ERICH3: variants seen among roughly 807,000 people sequenced by gnomAD.
The protein encoded by ERICH3 is glutamate-rich protein 3.
Under a neutral mutation model 131.1 loss-of-function variants are expected in ERICH3, and 126 were observed. The ratio of observed to expected loss-of-function variants is 0.96; its 90% CI spans 0.83 to 1.11. The LOEUF (loss-of-function observed/expected upper bound fraction) is 1.11, where lower values mean the gene tolerates loss of function less well. ERICH3 is among the 50% of genes most tolerant of loss of function. ERICH3 has a pLI of 0.00. For missense variants in ERICH3, 2,050 were observed against 1,810.7 expected (o/e 1.13, Z -2.40); for synonymous variants, 695 against 644.6 (o/e 1.08, Z -1.18).
At chr1:74,610,271 C>G (rs566503625) in intron 9 of ERICH3, among the ~76,000 whole-genome samples, 1 of 151,544 alleles carries the variant, frequency 6.6e-6, no homozygotes, top group Non-Finnish European at 1.5e-5. Flanking sequence ...ACACCCAATG[C>G]CTCTTCTCTC....
chr1:74,592,443 T>C (rs1408035739), intron 11 of ERICH3, among the ~76,000 whole-genome samples: 4 of 152,142 alleles, frequency 2.6e-5, no homozygotes, highest in Non-Finnish European at 5.9e-5. Context: ...TTATTAGCAG[T>C]TTAATCAATG....
chr1:74,669,205 C>G (rs557636222), intron 1 of ERICH3, among the ~76,000 whole-genome samples: 1 of 152,184 alleles, frequency 6.6e-6, no homozygotes, highest in East Asian at 1.9e-4. Context: ...TCTGTCATTA[C>G]AGAAACACTT....
Position 74,571,344 on chromosome 1 carries a change from C to G in ERICH3, c.4366G>C (p.Glu1456Gln), listed in dbSNP as rs771302129. Residue 1456 changes from glutamate to glutamine, a missense_variant, in exon 14 of 15, where the codon GAG becomes CAG. Physicochemically the swap from Glu to Gln is conservative, Grantham distance 29 (BLOSUM62 2). Transcript: ENST00000326665. ...QEQEEGSEGQEAATGSGDGRQ... is the reference protein window; with the variant it reads ...QEQEEGSEGQQAATGSGDGRQ... ...CCATCGCCACTCCCAGTGGCTGCCT[C>G]CTGGCCCTCTGACCCTTCCTCTTGC... The G allele has an allele frequency of 1.9e-6, 3 of 1,614,032 alleles. No homozygotes were observed. Among genetic ancestry groups the G allele is most frequent in the Admixed American group, 3.3e-5 (2 of 60,018 alleles).
intron 12 of ERICH3, among the ~76,000 whole-genome samples, chr1:74,586,175 G>A (rs1031757465): frequency 1.8e-4 from 28 of 151,906 alleles, no homozygotes; most frequent in African/African-American, 6.8e-4. Context: ...ACAATACTGT[G>A]GCAATATAAG....
chr1:74,643,203 C>A, intron 3 of ERICH3, 105 bp from the exon 4 acceptor site: 1 of 737,932 alleles, frequency 1.4e-6, no homozygotes, highest in Non-Finnish European at 2.2e-6. Flanking sequence ...AATTAGTCCT[C>A]TTGTCATTGA....
At chr1:74,577,127 T>C in intron 12 of ERICH3, 191 bp from the exon 13 acceptor site, 1 of 520,486 alleles carries the variant, frequency 1.9e-6, no homozygotes, top group Non-Finnish European at 3.4e-6. Context: ...TGTTCTTTTA[T>C]TTAATCCTAG....
chr1:74,606,448 T>C (rs760864694), intron 10 of ERICH3, among the ~76,000 whole-genome samples, 153 bp downstream of exon 10: 2 of 151,792 alleles, frequency 1.3e-5, no homozygotes, highest in Non-Finnish European at 2.9e-5. Flanking sequence ...CAGGACTCCA[T>C]ACAAAACAGC....
chr1:74,660,900 C>T (rs1458813510), intron 1 of ERICH3, among the ~76,000 whole-genome samples: 1 of 151,726 alleles, frequency 6.6e-6, no homozygotes, highest in Non-Finnish European at 1.5e-5. Context: ...AAAACTCTCA[C>T]ATATTCTTTT....
intron 12 of ERICH3, among the ~76,000 whole-genome samples, chr1:74,587,344 A>T (rs1246936345): frequency 2.0e-5 from 3 of 151,376 alleles, no homozygotes; most frequent in Non-Finnish European, 2.9e-5. Context: ...AAAAAAAAAA[A>T]AAAATTAAAA....
chr1:74,656,621 T>G (rs1447895479), intron 1 of ERICH3, among the ~76,000 whole-genome samples: 1 of 152,216 alleles, frequency 6.6e-6, no homozygotes, highest in Non-Finnish European at 1.5e-5. Context: ...GAAGTGAACA[T>G]CTCAGTTTAC....
intron 5 of ERICH3, 29 bp from the exon 6 acceptor site, chr1:74,636,467 T>C (rs1646390575): frequency 6.3e-7 from 1 of 1,579,324 alleles, no homozygotes; most frequent in African/African-American, 1.4e-5. Flanking sequence ...AAATTCCATT[T>C]AAATTAGTAT....
rs1223484637 is a variant in ERICH3, at chr1:74,646,971, A to G, written c.118-179T>C. Among the ~76,000 whole-genome samples, 84 of 149,576 alleles carry G rather than the reference A, an allele frequency of 5.6e-4. 1 individual carries two copies. Among genetic ancestry groups the G allele is most frequent in the Middle Eastern group, 3.4e-3 (1 of 292 alleles). On this transcript the variant is annotated intron_variant, in intron 2 of 14. Transcript: ENST00000326665. Reference sequence around the variant, plus strand: ...GGGAGGCAGGGAGGGAGAGAGAGAAAAAAAAAAAAAACGAGAGGGGAGAAA... The same window carrying G: ...GGGAGGCAGGGAGGGAGAGAGAGAAGAAAAAAAAAAACGAGAGGGGAGAAA...
At chr1:74,656,847 C>A (rs1646589550) in intron 1 of ERICH3, among the ~76,000 whole-genome samples, 2 of 152,128 alleles carry the variant, frequency 1.3e-5, no homozygotes, top group African/African-American at 2.4e-5. Flanking sequence ...TCCTAGGGTC[C>A]TTGTCTCACC....
chr1:74,660,574 C>T (rs1427530336), intron 1 of ERICH3, among the ~76,000 whole-genome samples: 1 of 146,308 alleles, frequency 6.8e-6, no homozygotes, highest in Non-Finnish European at 1.5e-5. Context: ...TACATGTGTG[C>T]ACACATTCAG....
chr1:74,584,054 C>T (rs1647229519), intron 12 of ERICH3, among the ~76,000 whole-genome samples: 1 of 152,150 alleles, frequency 6.6e-6, no homozygotes, highest in Non-Finnish European at 1.5e-5. Flanking sequence ...AAAAGTATCC[C>T]TGTGCTTTCA....
At chr1:74,607,873 T>A (rs766601583) in intron 9 of ERICH3, among the ~76,000 whole-genome samples, 31 of 151,974 alleles carry the variant, frequency 2.0e-4, no homozygotes, top group Non-Finnish European at 4.1e-4. Context: ...AATGATAAGA[T>A]TATTGAGCAC....
chr1:74,641,840 C>T (rs1646440480), intron 4 of ERICH3, among the ~76,000 whole-genome samples: 1 of 152,006 alleles, frequency 6.6e-6, no homozygotes, highest in Middle Eastern at 3.2e-3. Flanking sequence ...AAAATGAGAG[C>T]TAAAATATAT....
intron 7 of ERICH3, among the ~76,000 whole-genome samples, chr1:74,627,873 A>G (rs189068433): frequency 4.1e-4 from 62 of 152,332 alleles, no homozygotes; most frequent in African/African-American, 1.4e-3. Flanking sequence ...AGTCTGTTTT[A>G]TCATTTACTA....
intron 9 of ERICH3, among the ~76,000 whole-genome samples, chr1:74,610,814 C>A (rs1176763284): frequency 1.3e-5 from 2 of 152,042 alleles, no homozygotes; most frequent in African/African-American, 4.8e-5. Flanking sequence ...TCACCAGTAA[C>A]CAACACAGTA....
Sources: gnomAD v4.1 joint callset for allele counts (sites outside exome capture counted in the v4.1 genomes callset) on GRCh38, gnomAD v4.1.1 for gene constraint, MANE v1.5 for transcripts, NCBI Gene and HGNC (gene_info 2026-07-23, HGNC 2026-07-21) for gene names.